Variants in ABLIM1 observed in about 807,000 individuals in gnomAD.
ABLIM1 encodes actin binding LIM protein 1, also known as actin-binding LIM protein 1.
Under a neutral mutation model 107.0 loss-of-function variants are expected in ABLIM1, and 40 were observed. The ratio of observed to expected loss-of-function variants is 0.37; its 90% CI spans 0.29 to 0.49. The LOEUF is 0.49. Among genes scored for constraint, ABLIM1 ranks in the 20% least tolerant of loss-of-function variants. ABLIM1 has a pLI of 0.97. For missense variants in ABLIM1, 857 were observed against 1,008.5 expected, an observed-to-expected ratio of 0.85 and a Z score of 2.04; for synonymous variants, 357 against 357.3, an observed-to-expected ratio of 1.00 and a Z score of 0.01.
intron 1 of ABLIM1, among the ~76,000 whole-genome samples, chr10:114,651,098 G>A (rs904840422): frequency 5.9e-5 from 9 of 152,140 alleles, no homozygotes; most frequent in Admixed American, 5.2e-4. Context: ...AGTTTGCTTT[G>A]CAGCTTCTCC....
intron 12 of ABLIM1, among the ~76,000 whole-genome samples, chr10:114,461,574 G>A (rs532045368): frequency 5.9e-5 from 9 of 152,106 alleles, no homozygotes; most frequent in South Asian, 2.1e-4. Flanking sequence ...ATCCCAGCAC[G>A]TTAGGAGGTC....
the ABLIM1 span, among the ~76,000 whole-genome samples, chr10:114,784,939 G>A: frequency 6.6e-6 from 1 of 151,230 alleles, no homozygotes; most frequent in Admixed American, 6.6e-5. Flanking sequence ...CCTTTTCTGT[G>A]TTTTCTAATT....
chr10:114,704,648 G>A (rs915192170), intron 1 of ABLIM1, among the ~76,000 whole-genome samples: 10 of 147,402 alleles, frequency 6.8e-5, no homozygotes, highest in Non-Finnish European at 1.3e-4. Flanking sequence ...TGGGGGTGGG[G>A]AGAAAGAGAA....
At chr10:114,594,516 G>A (rs1279349925) in intron 2 of ABLIM1, among the ~76,000 whole-genome samples, 1 of 152,140 alleles carries the variant, frequency 6.6e-6, no homozygotes, top group Non-Finnish European at 1.5e-5. Flanking sequence ...TTGGGAGGCA[G>A]AGTCAGGTGG....
intron 18 of ABLIM1, 149 bp from the exon 19 acceptor site, chr10:114,441,226 C>G: frequency 1.2e-6 from 1 of 809,578 alleles, no homozygotes; most frequent in African/African-American, 1.7e-5. Context: ...GATTCTTCTA[C>G]TGCTATGCCA....
At chr10:114,713,269 C>T (rs554200534) in intron 1 of ABLIM1, among the ~76,000 whole-genome samples, 2 of 152,216 alleles carry the variant, frequency 1.3e-5, no homozygotes, top group East Asian at 3.9e-4. Context: ...AGCAGAAGAG[C>T]AGGAGGGAGG....
chr10:114,546,535 T>A (rs2067370023), intron 5 of ABLIM1, among the ~76,000 whole-genome samples: 1 of 152,092 alleles, frequency 6.6e-6, no homozygotes, highest in Non-Finnish European at 1.5e-5. Context: ...CCTCAGGTGA[T>A]CCGACTGCCT....
intron 1 of ABLIM1, among the ~76,000 whole-genome samples, chr10:114,613,505 A>G (rs2076946127): frequency 6.6e-6 from 1 of 152,244 alleles, no homozygotes; most frequent in African/African-American, 2.4e-5. Flanking sequence ...ATTTACCGGC[A>G]CACCATTGTG....
At chr10:114,714,831 A>G (rs747359858) in intron 1 of ABLIM1, among the ~76,000 whole-genome samples, 2 of 152,190 alleles carry the variant, frequency 1.3e-5, no homozygotes, top group Non-Finnish European at 2.9e-5. Flanking sequence ...TTGACCCTAC[A>G]TATATTCTTA....
intron 1 of ABLIM1, among the ~76,000 whole-genome samples, chr10:114,765,664 T>G (rs1325217762): frequency 6.6e-6 from 1 of 152,208 alleles, no homozygotes; most frequent in Non-Finnish European, 1.5e-5. Context: ...CTCAACTCCG[T>G]AACTACTAAG....
chr10:114,612,117 C>G (rs535424340), intron 1 of ABLIM1, among the ~76,000 whole-genome samples: 180 of 152,226 alleles, frequency 1.2e-3, no homozygotes, highest in Non-Finnish European at 2.2e-3. Flanking sequence ...TTTCAATGTC[C>G]CCTCCAAAAT....
chr10:114,537,538 A>G (rs10885575), intron 6 of ABLIM1, among the ~76,000 whole-genome samples: 34,146 of 152,172 alleles, frequency 0.22, 4,420 homozygotes, highest in East Asian at 0.33. Context: ...CTGTCACACC[A>G]ATTAGATCCA....
intron 21 of ABLIM1, among the ~76,000 whole-genome samples, chr10:114,438,755 T>C (rs937813522): frequency 6.6e-6 from 1 of 152,130 alleles, no homozygotes; most frequent in South Asian, 2.1e-4. Context: ...ACTCTGAAGG[T>C]ACAGGGTGCT....
rs572166351 is a variant in ABLIM1 at position 114,513,939 on chromosome 10, A to G, written c.895-22061T>C. The stretch of plus-strand genomic sequence containing the variant: ...TCCTGAAAATATCATCCAAGCCTGC[A>G]AAGTTTTCACATGACACCATCACTC... On this transcript the variant is annotated intron_variant, in intron 6 of 22. Transcript: ENST00000533213. Among the ~76,000 whole-genome samples the G allele has an allele frequency of 3.5e-4, 54 of 152,304 alleles. 1 individual carries two copies. Among genetic ancestry groups the G allele is most frequent in the Non-Finnish European group, 5.9e-4 (40 of 68,030 alleles).
At chr10:114,621,584 C>G (rs1177362515) in intron 1 of ABLIM1, among the ~76,000 whole-genome samples, 2 of 152,090 alleles carry the variant, frequency 1.3e-5, no homozygotes, top group Non-Finnish European at 1.5e-5. Context: ...TCTTAAATGC[C>G]CCCTTTTCCA....
At chr10:114,637,881 C>G (rs1222827814) in intron 1 of ABLIM1, among the ~76,000 whole-genome samples, 1 of 152,144 alleles carries the variant, frequency 6.6e-6, no homozygotes, top group Non-Finnish European at 1.5e-5. Flanking sequence ...CAGTTTACTA[C>G]CAGCTTTCTC....
At chr10:114,760,188 T>C (rs2082715074) in intron 1 of ABLIM1, among the ~76,000 whole-genome samples, 1 of 152,078 alleles carries the variant, frequency 6.6e-6, no homozygotes, top group African/African-American at 2.4e-5. Context: ...TGAATCTCGG[T>C]GAGAAAGGGT....
chr10:114,641,185 C>T (rs973900163), intron 1 of ABLIM1, among the ~76,000 whole-genome samples: 2 of 149,322 alleles, frequency 1.3e-5, no homozygotes, highest in African/African-American at 5.0e-5. Context: ...TTTAGACCCC[C>T]TCCTGATATT....
intron 1 of ABLIM1, chr10:114,631,917 T>C (rs766979409): frequency 1.5e-6 from 2 of 1,304,464 alleles, no homozygotes; most frequent in South Asian, 1.2e-5. Flanking sequence ...TCCTTCACCA[T>C]GGCAACCGGG....
Sources: gnomAD v4.1 joint callset for allele counts (sites outside exome capture counted in the v4.1 genomes callset) on GRCh38, gnomAD v4.1.1 for gene constraint, MANE v1.5 for transcripts, NCBI Gene and HGNC (gene_info 2026-07-23, HGNC 2026-07-21) for gene names.